WWOX: variants seen among roughly 807,000 people sequenced by gnomAD.
The protein encoded by WWOX is WW domain-containing oxidoreductase.
A neutral mutation model predicts 46.2 loss-of-function variants in WWOX; 69 were observed. The ratio of observed to expected loss-of-function variants is 1.49; its 90% CI spans 1.23 to 1.82. WWOX has a LOEUF of 1.82. WWOX is among the 40% of genes most tolerant of loss of function. WWOX has a pLI of 0.00. For missense variants in WWOX, 919 were observed against 542.6 expected, an observed-to-expected ratio of 1.69 and a Z score of -6.89; for synonymous variants, 359 against 202.6, an observed-to-expected ratio of 1.77 and a Z score of -6.56.
chr16:79,073,485 A>G (rs1455166429), intron 8 of WWOX, among the ~76,000 whole-genome samples: 1 of 152,036 alleles, frequency 6.6e-6, no homozygotes, highest in East Asian at 1.9e-4. Context: ...TGGCTTTGTT[A>G]TTATAGAGTT....
In WWOX at chr16:79,191,276, G is replaced by A. The variant is rs181251290; in HGVS notation, c.1057-20332G>A. 1.8e-3 allele frequency among the ~76,000 whole-genome samples: 274 copies of A among 151,526 alleles called. 1 individual carries two copies. Among genetic ancestry groups the A allele is most frequent in the African/African-American group, 6.2e-3 (254 of 41,274 alleles). ...TCACCGTGTTGCCCAGGCTGGTCTCGAACTCCTGAGCTCAGGCAATCTGCC... is the reference window on the plus strand; with the variant it reads ...TCACCGTGTTGCCCAGGCTGGTCTCAAACTCCTGAGCTCAGGCAATCTGCC... On this transcript the variant is annotated intron_variant, in intron 8 of 8. Transcript: ENST00000566780.
chr16:78,908,655 T>C (rs745728321), intron 8 of WWOX, among the ~76,000 whole-genome samples: 18 of 151,906 alleles, frequency 1.2e-4, no homozygotes, highest in Non-Finnish European at 2.4e-4. Context: ...TTAAGGAGAA[T>C]TTAGTGAGAA....
chr16:78,262,725 C>T (rs1182125163), intron 5 of WWOX, among the ~76,000 whole-genome samples: 3 of 152,140 alleles, frequency 2.0e-5, no homozygotes, highest in Admixed American at 6.5e-5. Context: ...CCTAAGGTCC[C>T]ACAGATGGTC....
At chr16:79,042,749 A>G (rs1172682674) in intron 8 of WWOX, among the ~76,000 whole-genome samples, 1 of 118,656 alleles carries the variant, frequency 8.4e-6, no homozygotes, top group Non-Finnish European at 1.7e-5. Flanking sequence ...TTTTTCTTCT[A>G]ACTTGTCCTC....
chr16:78,330,807 C>T (rs914857362), intron 5 of WWOX, among the ~76,000 whole-genome samples: 2 of 152,310 alleles, frequency 1.3e-5, no homozygotes, highest in East Asian at 1.9e-4. Context: ...ATTTAATTTA[C>T]GACTTCATTT....
intron 8 of WWOX, among the ~76,000 whole-genome samples, chr16:78,549,541 C>A (rs1165317688): frequency 6.6e-6 from 1 of 152,016 alleles, no homozygotes; most frequent in African/African-American, 2.4e-5. Flanking sequence ...CCTTTTTGTC[C>A]ATCTCTTAAA....
intron 8 of WWOX, among the ~76,000 whole-genome samples, chr16:79,198,141 A>G (rs1403170742): frequency 1.3e-5 from 2 of 151,292 alleles, no homozygotes; most frequent in African/African-American, 2.4e-5. Context: ...CCTGGCCAAC[A>G]TGGTGAAACC....
intron 5 of WWOX, among the ~76,000 whole-genome samples, chr16:78,289,205 G>C (rs769663871): frequency 2.6e-5 from 4 of 152,176 alleles, no homozygotes; most frequent in Non-Finnish European, 5.9e-5. Context: ...AGGCCATGCT[G>C]ATGTTCAAGT....
intron 8 of WWOX, among the ~76,000 whole-genome samples, chr16:79,191,765 G>T: frequency 6.6e-6 from 1 of 152,178 alleles, no homozygotes; most frequent in East Asian, 1.9e-4. Flanking sequence ...AGCTCAGGGA[G>T]ATGTGACTGG....
At chr16:78,645,459 G>A (rs2046817179) in intron 8 of WWOX, among the ~76,000 whole-genome samples, 1 of 152,152 alleles carries the variant, frequency 6.6e-6, no homozygotes, top group African/African-American at 2.4e-5. Context: ...CATTTACAAA[G>A]GAAGGAAATT....
At chr16:78,491,830 G>T (rs1482327315) in intron 8 of WWOX, among the ~76,000 whole-genome samples, 4 of 152,132 alleles carry the variant, frequency 2.6e-5, no homozygotes, top group Non-Finnish European at 5.9e-5. Flanking sequence ...GAGGAGGGGG[G>T]CACAGATGCC....
chr16:78,402,206 G>T (rs2082429138), intron 6 of WWOX, among the ~76,000 whole-genome samples: 1 of 152,112 alleles, frequency 6.6e-6, no homozygotes, highest in Admixed American at 6.5e-5. Flanking sequence ...GCCTATTCTG[G>T]ACATTTCATA....
At chr16:78,266,404 T>C (rs2079363676) in intron 5 of WWOX, among the ~76,000 whole-genome samples, 1 of 152,218 alleles carries the variant, frequency 6.6e-6, no homozygotes, top group South Asian at 2.1e-4. Flanking sequence ...GTAGTTGGGA[T>C]GGAGACTATA....
intron 8 of WWOX, among the ~76,000 whole-genome samples, chr16:78,595,388 C>A (rs1045103868): frequency 1.8e-5 from 2 of 113,308 alleles, no homozygotes; most frequent in South Asian, 2.7e-4. Context: ...CCGCTGACAG[C>A]CACAAGACTC....
chr16:78,947,782 A>AG (rs1461978109), intron 8 of WWOX, among the ~76,000 whole-genome samples: 1 of 152,256 alleles, frequency 6.6e-6, no homozygotes, highest in Non-Finnish European at 1.5e-5. Context: ...CCAGGGGCTA[A>AG]ATTGGAAACC....
intron 8 of WWOX, among the ~76,000 whole-genome samples, chr16:78,467,112 T>C (rs1032615713): frequency 6.6e-6 from 1 of 152,214 alleles, no homozygotes; most frequent in Admixed American, 6.5e-5. Context: ...CTATGTGCAT[T>C]ATAGTCTTTG....
chr16:78,431,274 C>T (rs891255060), intron 7 of WWOX, among the ~76,000 whole-genome samples: 5 of 152,154 alleles, frequency 3.3e-5, no homozygotes, highest in African/African-American at 1.2e-4. Context: ...TAGATTTTGC[C>T]AGAACTCATC....
At chr16:78,714,271 A>T (rs1277234706) in intron 8 of WWOX, among the ~76,000 whole-genome samples, 5 of 152,172 alleles carry the variant, frequency 3.3e-5, no homozygotes, top group African/African-American at 4.8e-5. Flanking sequence ...ATAGTTGCAC[A>T]TGGCTGGGGA....
rs544912957 is a variant in WWOX, at chr16:79,154,034, A to C, written c.1057-57574A>C. 1.4e-4 allele frequency among the ~76,000 whole-genome samples: 21 copies of C among 152,312 alleles called. No individual in the cohort carries two copies. In the South Asian group the frequency reaches 4.4e-3, roughly 32 times the overall value. ...AAAAAGGAGCAAGGCATACTGCCCA[A>C]ATCCAAAACAACTTTGGCTCCCTTT... On this transcript the variant is annotated intron_variant, in intron 8 of 8. Transcript: ENST00000566780.
Sources: allele counts gnomAD v4.1 joint callset (sites outside exome capture counted in the v4.1 genomes callset), GRCh38; gene constraint gnomAD v4.1.1; transcripts MANE v1.5; gene names NCBI Gene and HGNC (gene_info 2026-07-23, HGNC 2026-07-21).